Variants in NAA25 observed in about 807,000 individuals in gnomAD.
NAA25 encodes the protein N-alpha-acetyltransferase 25, NatB auxiliary subunit.
In NAA25, 30 loss-of-function variants were observed where a neutral mutation model predicts 132.5. That is an observed-to-expected ratio of 0.23 (90% CI 0.17 to 0.31). The LOEUF (loss-of-function observed/expected upper bound fraction) is 0.31. NAA25 is among the 10% of genes least tolerant of loss of function. The pLI, the probability that NAA25 is intolerant of heterozygous loss-of-function variation, is 1.00. For missense variants in NAA25, 771 were observed against 1,150.4 expected (o/e 0.67, Z 4.77); for synonymous variants, 359 against 401.9 (o/e 0.89, Z 1.28).
chr12:112,061,043 T>C (rs2078621508), intron 12 of NAA25, 138 bp downstream of exon 12: 1 of 649,344 alleles, frequency 1.5e-6, no homozygotes, highest in Non-Finnish European at 2.7e-6. Context: ...TTACATCATA[T>C]TACTTAGATG....
At chr12:112,038,092 CA>C (rs746619416) in intron 22 of NAA25, among the ~76,000 whole-genome samples, 1 of 152,170 alleles carries the variant, frequency 6.6e-6, no homozygotes, top group African/African-American at 2.4e-5. Context: ...TGGCTCACTG[CA>C]ACCTCTGCCT....
At chr12:112,050,888 A>T (rs191633893) in intron 15 of NAA25, among the ~76,000 whole-genome samples, 1 of 152,196 alleles carries the variant, frequency 6.6e-6, no homozygotes, top group South Asian at 2.1e-4. Flanking sequence ...CCATAGCACA[A>T]AACATTACTA....
chr12:112,046,095 A>C (rs748754284), intron 17 of NAA25, among the ~76,000 whole-genome samples: 30 of 152,226 alleles, frequency 2.0e-4, no homozygotes, highest in Admixed American at 7.2e-4. Flanking sequence ...ACTGTTCCCT[A>C]AAATGGTAAG....
intron 1 of NAA25, among the ~76,000 whole-genome samples, chr12:112,104,195 T>C (rs2079330859): frequency 6.6e-6 from 1 of 152,162 alleles, no homozygotes; most frequent in African/African-American, 2.4e-5. Context: ...CAGTACGACA[T>C]ATTAAAACAA....
chr12:112,053,492 G>A (rs2078496648), intron 15 of NAA25, 66 bp downstream of exon 15: 5 of 1,146,576 alleles, frequency 4.4e-6, no homozygotes, highest in Non-Finnish European at 6.4e-6. Flanking sequence ...GACATGTGGT[G>A]ACGTGCTCCT....
rs2078104162 is a variant in NAA25 at position 112,027,911 on chromosome 12, G to A, written c.*1620C>T. ...CCTTTTGGGATAGGGTATATGACCA[G>A]CTGTTGCTACTCATATCAAAAATAA... On this transcript the variant is annotated 3_prime_UTR_variant, in exon 24 of 24. Coordinates refer to ENST00000261745, the MANE Select transcript of NAA25 (RefSeq NM_024953.4). The A allele has an allele frequency of 6.6e-6, 1 of 152,180 alleles. No individual in the cohort carries two copies. Among genetic ancestry groups the A allele is most frequent in the East Asian group, 1.9e-4 (1 of 5,202 alleles). 9.4% of individuals were successfully genotyped at this position (152,180 alleles called of 1,614,324 possible).
At chr12:112,071,843 ACTTGGG>A in intron 10 of NAA25, 46 bp downstream of exon 10, 2 of 1,143,066 alleles carry the variant, frequency 1.7e-6, no homozygotes, top group African/African-American at 2.7e-5. Context: ...TGAATATAGC[ACTTGGG>A]TATTAAGGGC....
At chr12:112,104,872 A>C (rs1750334199) in intron 1 of NAA25, among the ~76,000 whole-genome samples, 1 of 151,758 alleles carries the variant, frequency 6.6e-6, no homozygotes. Flanking sequence ...AACAAAAATT[A>C]GCCGGGCATG....
chr12:112,082,782 G>A (rs904195349), intron 4 of NAA25, among the ~76,000 whole-genome samples: 1 of 148,290 alleles, frequency 6.7e-6, no homozygotes, highest in African/African-American at 2.5e-5. Context: ...ATGGTGGCAG[G>A]GGGCGGGGGG....
chr12:112,075,929 C>T, intron 7 of NAA25, 140 bp from the exon 8 acceptor site: 1 of 625,136 alleles, frequency 1.6e-6, no homozygotes, highest in Non-Finnish European at 2.7e-6. Context: ...GTCACCCAGG[C>T]TGGAGTGCAA....
intron 5 of NAA25, among the ~76,000 whole-genome samples, chr12:112,080,553 T>C (rs916442350): frequency 2.0e-5 from 3 of 151,786 alleles, no homozygotes. Context: ...CAGGCTAGAG[T>C]GCAGTGACAT....
At chr12:112,072,181 G>GA in intron 9 of NAA25, 117 bp from the exon 10 acceptor site, 2 of 728,772 alleles carry the variant, frequency 2.7e-6, no homozygotes, top group South Asian at 4.4e-5. Flanking sequence ...TAAAATAATA[G>GA]AAAAAGGAAT....
intron 20 of NAA25, among the ~76,000 whole-genome samples, chr12:112,041,699 C>T (rs1053121012): frequency 3.3e-5 from 5 of 151,754 alleles, no homozygotes; most frequent in African/African-American, 1.2e-4. Flanking sequence ...TCACCAATTG[C>T]GATAACATAA....
intron 22 of NAA25, among the ~76,000 whole-genome samples, chr12:112,038,864 A>T (rs2136808371): frequency 6.6e-6 from 1 of 152,322 alleles, no homozygotes; most frequent in East Asian, 1.9e-4. Context: ...CTGTAATCCC[A>T]GCTACTCGGG....
Position 112,039,222 on chromosome 12 carries a change from T to C in NAA25, c.2649+7A>G, listed in dbSNP as rs765244448. ...TCCTTGTATATCACTTGTGTTACTGTTATTACCATGATGATGCTGGTTTCT... is the reference window on the plus strand; with the variant it reads ...TCCTTGTATATCACTTGTGTTACTGCTATTACCATGATGATGCTGGTTTCT... On this transcript the variant is annotated splice_region_variant and intron_variant, in intron 22 of 23. Coordinates refer to ENST00000261745, the MANE Select transcript of NAA25 (RefSeq NM_024953.4). The C allele has an allele frequency of 2.0e-6, 3 of 1,521,776 alleles. No individual in the cohort carries two copies. 94.3% of individuals were successfully genotyped at this position (1,521,776 alleles called of 1,614,324 possible). A position where few individuals can be genotyped will look rare whatever the true frequency, so the allele number is the denominator to read the frequency against.
At chr12:112,063,229 G>A (rs904296502) in intron 11 of NAA25, among the ~76,000 whole-genome samples, 3 of 152,130 alleles carry the variant, frequency 2.0e-5, no homozygotes, top group Non-Finnish European at 4.4e-5. Context: ...AGCAGGAAGC[G>A]CACTCTAGTC....
chr12:112,048,569 G>T, intron 15 of NAA25, 126 bp from the exon 16 acceptor site: 5 of 737,566 alleles, frequency 6.8e-6, no homozygotes, highest in South Asian at 1.9e-5. Flanking sequence ...TAAAGGTCTT[G>T]GTCACCAAGT....
At chr12:112,087,843 C>T (rs557418610) in intron 3 of NAA25, 42 bp from the exon 4 acceptor site, 1 of 1,277,850 alleles carries the variant, frequency 7.8e-7, no homozygotes, top group African/African-American at 1.5e-5. Flanking sequence ...ACTTCAAGAA[C>T]ATTCTAATGG....
At position 112,049,905 on chromosome 12, in the gene NAA25, A is replaced by G. The variant is rs1317560688; in HGVS notation, c.1729-1462T>C. On this transcript the variant is annotated intron_variant, in intron 15 of 23. Transcript: ENST00000261745. The surrounding 1 kb of genome is among the most constrained non-coding windows in gnomAD (Gnocchi z 4.7). ...GAACACATGATTCAGTAATTAATCA[A>G]AAAGAAAATATGACTTTAGTAATTC... Among the ~76,000 whole-genome samples, 4 of 152,244 alleles carry G rather than the reference A, an allele frequency of 2.6e-5. No homozygotes were observed. The highest frequency in any genetic ancestry group is 1.3e-4 in the Admixed American group (2 of 15,282).
Sources: allele counts gnomAD v4.1 joint callset (sites outside exome capture counted in the v4.1 genomes callset), GRCh38; gene constraint gnomAD v4.1.1; non-coding constraint Gnocchi (gnomAD v3.1); transcripts MANE v1.5; gene names NCBI Gene and HGNC (gene_info 2026-07-23, HGNC 2026-07-21).